Variants in NEMF observed in about 807,000 individuals in gnomAD.
The protein encoded by NEMF is ribosome quality control complex subunit NEMF.
NEMF carries 89 observed loss-of-function variants against 162.2 expected under a neutral mutation model. The ratio of observed to expected loss-of-function variants is 0.55; its 90% CI spans 0.46 to 0.65. The LOEUF is 0.65. NEMF is among the 30% of genes least tolerant of loss of function. The probability of loss-of-function intolerance (pLI) is 0.00; values close to 1 mark genes in which losing one functional copy is unlikely to be tolerated. For missense variants in NEMF, 1,133 were observed against 1,261.9 expected (o/e 0.90, Z 1.55); for synonymous variants, 421 against 404.5 (o/e 1.04, Z -0.49).
At chr14:49,810,100 G>C (rs1471474288) in intron 18 of NEMF, among the ~76,000 whole-genome samples, 1 of 152,122 alleles carries the variant, frequency 6.6e-6, no homozygotes, top group Non-Finnish European at 1.5e-5. Context: ...CGGGTGCGGT[G>C]GCTCGTGCCT....
chr14:49,808,259 G>T (rs892343281), intron 18 of NEMF, among the ~76,000 whole-genome samples: 1 of 151,978 alleles, frequency 6.6e-6, no homozygotes, highest in Non-Finnish European at 1.5e-5. Flanking sequence ...TGCAACCTTC[G>T]CCTCCAGGGT....
intron 18 of NEMF, among the ~76,000 whole-genome samples, chr14:49,810,995 CAAAA>C (rs1012963847): frequency 4.6e-5 from 7 of 152,066 alleles, no homozygotes; most frequent in African/African-American, 1.7e-4. Flanking sequence ...CAAAACAAAA[CAAAA>C]AAAGCAGCTG....
At chr14:49,799,734 A>G (rs937219930) in intron 23 of NEMF, 56 bp from the exon 24 acceptor site, 6 of 1,421,952 alleles carry the variant, frequency 4.2e-6, no homozygotes, top group Admixed American at 4.3e-5. Context: ...ATGCATTTAC[A>G]AAGTCCCAAA....
intron 19 of NEMF, among the ~76,000 whole-genome samples, chr14:49,803,629 G>A (rs1359610548): frequency 6.6e-6 from 1 of 151,682 alleles, no homozygotes. Flanking sequence ...TGGTTGAAGT[G>A]ATTCTCCTGC....
chr14:49,840,975 T>A (rs1272353809), intron 4 of NEMF, 109 bp from the exon 5 acceptor site: 10 of 861,184 alleles, frequency 1.2e-5, no homozygotes, highest in Non-Finnish European at 1.7e-5. Flanking sequence ...GGCAGGCAGA[T>A]CACTTGAGGT....
chr14:49,816,168 G>A (rs1410090952), intron 16 of NEMF, among the ~76,000 whole-genome samples: 1 of 152,176 alleles, frequency 6.6e-6, no homozygotes, highest in Non-Finnish European at 1.5e-5. Flanking sequence ...ACCCTGAACA[G>A]AGGGACCAGC....
intron 19 of NEMF, among the ~76,000 whole-genome samples, chr14:49,805,446 T>A (rs1891142208): frequency 6.6e-6 from 1 of 151,892 alleles, no homozygotes; most frequent in African/African-American, 2.4e-5. Flanking sequence ...GAGGACCACT[T>A]AAGGTCAGGA....
chr14:49,845,319 C>G (rs1893445629), intron 4 of NEMF, among the ~76,000 whole-genome samples: 1 of 152,036 alleles, frequency 6.6e-6, no homozygotes, highest in African/African-American at 2.4e-5. Flanking sequence ...GTCTTGAACT[C>G]CTGACCCCAG....
At chr14:49,806,176 T>C (rs755644332) in intron 18 of NEMF, 43 bp from the exon 19 acceptor site, 1 of 1,385,896 alleles carries the variant, frequency 7.2e-7, no homozygotes. Flanking sequence ...AAGTATGGAC[T>C]TTCTCCAGAG....
At chr14:49,796,067 A>G in intron 25 of NEMF, 123 bp from the exon 26 acceptor site, 1 of 674,698 alleles carries the variant, frequency 1.5e-6, no homozygotes, top group Non-Finnish European at 2.5e-6. Context: ...GCTTCACTTG[A>G]TAATCACCAA....
intron 22 of NEMF, chr14:49,801,111 C>A: frequency 5.6e-6 from 1 of 177,340 alleles, no homozygotes; most frequent in Admixed American, 5.8e-5. Context: ...GGAACACTGT[C>A]TAATAGTAGT....
In NEMF at chr14:49,846,130, T is replaced by C. The variant is rs964444703; in HGVS notation, c.357+10A>G. 4.3e-6 allele frequency: 7 copies of C among 1,609,344 alleles called. No homozygotes were observed. The highest frequency in any genetic ancestry group is 5.9e-6 in the Non-Finnish European group (7 of 1,178,272). On this transcript the variant is annotated intron_variant, in intron 4 of 32. Transcript: ENST00000298310. ...ATTTTCCTTCACCATATCCCACAAA[T>C]TTAACTTACCCTATCATAGAGCTCA...
At chr14:49,802,410 A>C in intron 22 of NEMF, 43 bp downstream of exon 22, 1 of 1,597,968 alleles carries the variant, frequency 6.3e-7, no homozygotes, top group Non-Finnish European at 8.5e-7. Context: ...AAACTAGGTA[A>C]CAAAAAACAT....
chr14:49,840,633 CTTTTT>C (rs999216344), intron 5 of NEMF, 80 bp downstream of exon 5: 3 of 1,235,714 alleles, frequency 2.4e-6, no homozygotes, highest in Admixed American at 2.6e-5. Flanking sequence ...CCCATTTTAC[CTTTTT>C]TTTAAGAGAC....
rs1392995911 is a variant in NEMF, at chr14:49,828,662, G to C, written c.1378C>G (p.Leu460Val). The C allele has an allele frequency of 6.3e-7, 1 of 1,595,350 alleles. No individual in the cohort carries two copies. The highest frequency in any genetic ancestry group is 1.4e-5 in the African/African-American group (1 of 73,642). ...GACAAGCTGAGATCAACATCTACAA[G>C]TAAGGGCTTATTTTTCTGAGGCTTC... ...LQKPQKNKPL[L>V]VDVDLSLSAY... Residue 460 changes from leucine (L) to valine (V), a missense_variant, in exon 14 of 33, where the codon CTT (leucine) becomes GTT (valine). By Grantham distance (32) the Leu-to-Val change is conservative. Coordinates refer to ENST00000298310, the MANE Select transcript of NEMF (RefSeq NM_004713.6).
chr14:49,786,433 A>G (rs1890182946), intron 29 of NEMF: 1 of 390,788 alleles, frequency 2.6e-6, no homozygotes, highest in South Asian at 4.5e-5. Flanking sequence ...GCTATGTGCC[A>G]TAAACTTTTC....
chr14:49,821,874 C>A (rs1335407278), intron 16 of NEMF, among the ~76,000 whole-genome samples: 2 of 152,098 alleles, frequency 1.3e-5, no homozygotes, highest in Non-Finnish European at 2.9e-5. Context: ...GAAAAGGGGG[C>A]AAGGTGGGGA....
intron 6 of NEMF, among the ~76,000 whole-genome samples, chr14:49,834,705 A>G (rs181794977): frequency 5.5e-4 from 84 of 152,108 alleles, no homozygotes; most frequent in African/African-American, 1.9e-3. Flanking sequence ...CTGGTCTCGA[A>G]CTCCTAACCT....
intron 11 of NEMF, among the ~76,000 whole-genome samples, chr14:49,831,036 A>G (rs1566693374): frequency 6.6e-6 from 1 of 152,242 alleles, no homozygotes; most frequent in Non-Finnish European, 1.5e-5. Context: ...TAAGGTGTAA[A>G]TAACAGGCCT....
Sources: gnomAD v4.1 joint callset for allele counts (sites outside exome capture counted in the v4.1 genomes callset) on GRCh38, gnomAD v4.1.1 for gene constraint, MANE v1.5 for transcripts, NCBI Gene and HGNC (gene_info 2026-07-23, HGNC 2026-07-21) for gene names.